Variants in MCHR2 observed in about 807,000 individuals in gnomAD.
The protein encoded by MCHR2 is melanin concentrating hormone receptor 2, also known as melanin-concentrating hormone receptor 2.
MCHR2 carries 15 observed loss-of-function variants against 24.8 expected under a neutral mutation model. The observed-to-expected ratio is 0.60, with a 90% confidence interval of 0.40 to 0.93. MCHR2 has a LOEUF of 0.93. Ranked by LOEUF, MCHR2 falls within the 40% of genes least tolerant of loss-of-function variation. MCHR2 has a pLI of 0.00. For synonymous variants in MCHR2, 151 were observed against 147.6 expected (o/e 1.02, Z -0.17); for missense variants, 386 against 408.7 (o/e 0.94, Z 0.48).
intron 5 of MCHR2, among the ~76,000 whole-genome samples, chr6:99,929,124 C>G (rs1490757182): frequency 1.3e-5 from 2 of 152,126 alleles, no homozygotes; most frequent in African/African-American, 4.8e-5. Context: ...GCAGGTTGTT[C>G]AGTTTCCATG....
chr6:99,926,710 G>A (rs79472654), intron 5 of MCHR2, among the ~76,000 whole-genome samples: 25,365 of 152,006 alleles, frequency 0.17, 2,275 homozygotes, highest in African/African-American at 0.19. Context: ...AAATCTGTTT[G>A]AGTTCATTGT....
intron 1 of MCHR2, among the ~76,000 whole-genome samples, chr6:99,991,593 G>A (rs1254389806): frequency 6.6e-6 from 1 of 152,076 alleles, no homozygotes; most frequent in African/African-American, 2.4e-5. Flanking sequence ...GGATCAGGAG[G>A]TCAGGAGATC....
rs191306029 is a variant in MCHR2 at position 99,943,701 on chromosome 6, A to G, written c.393-558T>C. Among the ~76,000 whole-genome samples, 10 of 152,274 alleles carry G rather than the reference A, an allele frequency of 6.6e-5. No individual in the cohort carries two copies. In the East Asian group the frequency reaches 1.9e-3, roughly 29 times the overall value. ...TAAGATCTGCCTGGTATCTGTAGAGAAAACAATTCTTGACCCTGCAAGTCT... is the reference window on the plus strand; with the variant it reads ...TAAGATCTGCCTGGTATCTGTAGAGGAAACAATTCTTGACCCTGCAAGTCT... On this transcript the variant is annotated intron_variant, in intron 3 of 5. Transcript: ENST00000281806.
chr6:99,927,678 G>A (rs9389850), intron 5 of MCHR2, among the ~76,000 whole-genome samples: 151,234 of 151,962 alleles, frequency 1, 75,257 homozygotes, highest in Middle Eastern at 1. Flanking sequence ...ATTTTTGTAC[G>A]TTGATTTTGT....
At chr6:99,990,005 G>GTTTTCCC (rs1775839710) in intron 1 of MCHR2, among the ~76,000 whole-genome samples, 1 of 151,706 alleles carries the variant, frequency 6.6e-6, no homozygotes, top group Non-Finnish European at 1.5e-5. Context: ...ACATTTCTAA[G>GTTTTCCC]ATTAAAAGGC....
At chr6:99,933,835 G>A (rs1474960805) in intron 5 of MCHR2, among the ~76,000 whole-genome samples, 1 of 151,944 alleles carries the variant, frequency 6.6e-6, no homozygotes, top group Non-Finnish European at 1.5e-5. Context: ...CAATCTCAAG[G>A]TGAAAATAAT....
chr6:99,932,292 A>G (rs1774563260), intron 5 of MCHR2, among the ~76,000 whole-genome samples: 1 of 152,218 alleles, frequency 6.6e-6, no homozygotes, highest in Non-Finnish European at 1.5e-5. Flanking sequence ...ATCAGTCTAT[A>G]GTAATATAAA....
At chr6:99,989,096 A>G (rs1048133709) in intron 1 of MCHR2, among the ~76,000 whole-genome samples, 3 of 152,226 alleles carry the variant, frequency 2.0e-5, no homozygotes, top group Non-Finnish European at 2.9e-5. Context: ...AGCACTTCCA[A>G]TGGCTGAAAG....
intron 5 of MCHR2, among the ~76,000 whole-genome samples, chr6:99,933,535 C>G (rs1231853414): frequency 3.3e-5 from 5 of 151,922 alleles, no homozygotes; most frequent in Non-Finnish European, 5.9e-5. Context: ...TTCCAAGAAA[C>G]TAAGTGGGAA....
intron 1 of MCHR2, among the ~76,000 whole-genome samples, chr6:99,969,281 C>T (rs570556673): frequency 6.6e-6 from 1 of 151,910 alleles, no homozygotes; most frequent in African/African-American, 2.4e-5. Context: ...CAAGACCAGC[C>T]TGGCCAACAT....
At chr6:99,932,090 T>C (rs1774556982) in intron 5 of MCHR2, among the ~76,000 whole-genome samples, 1 of 152,174 alleles carries the variant, frequency 6.6e-6, no homozygotes, top group African/African-American at 2.4e-5. Flanking sequence ...TCTGGGAAAG[T>C]CTTTATTTCT....
At chr6:99,965,673 GTTT>G (rs1047080273) in intron 1 of MCHR2, among the ~76,000 whole-genome samples, 2 of 152,030 alleles carry the variant, frequency 1.3e-5, no homozygotes, top group Non-Finnish European at 2.9e-5. Context: ...TATGACACTT[GTTT>G]TTTAAGCACT....
intron 3 of MCHR2, among the ~76,000 whole-genome samples, chr6:99,943,891 T>C (rs1218699546): frequency 6.6e-6 from 1 of 152,162 alleles, no homozygotes; most frequent in Non-Finnish European, 1.5e-5. Context: ...ATAACCCTTT[T>C]CCCAGCAAGA....
At chr6:99,930,754 A>T (rs566179547) in intron 5 of MCHR2, among the ~76,000 whole-genome samples, 2 of 152,122 alleles carry the variant, frequency 1.3e-5, no homozygotes, top group Non-Finnish European at 2.9e-5. Context: ...ATTTTTTTTC[A>T]AAGTTTTTAA....
At chr6:99,992,341 G>T (rs1379968764) in intron 1 of MCHR2, among the ~76,000 whole-genome samples, 3 of 152,216 alleles carry the variant, frequency 2.0e-5, no homozygotes, top group Non-Finnish European at 4.4e-5. Flanking sequence ...GGAATTTGGG[G>T]TCTGGTAGGA....
At chr6:99,969,473 C>CAAAAAAA (rs1214316677) in intron 1 of MCHR2, among the ~76,000 whole-genome samples, 16 of 76,608 alleles carry the variant, frequency 2.1e-4, no homozygotes, top group South Asian at 6.5e-4. Context: ...GACTCCATCT[C>CAAAAAAA]AAAAAAAAAA....
At chr6:99,940,561 G>A (rs1774751444) in intron 4 of MCHR2, among the ~76,000 whole-genome samples, 1 of 152,168 alleles carries the variant, frequency 6.6e-6, no homozygotes, top group Admixed American at 6.5e-5. Context: ...CTCACATATT[G>A]CTGTCTCATT....
intron 1 of MCHR2, among the ~76,000 whole-genome samples, chr6:99,981,671 A>C (rs1336288566): frequency 6.6e-6 from 1 of 152,236 alleles, no homozygotes; most frequent in Non-Finnish European, 1.5e-5. Flanking sequence ...GGCAACTAGG[A>C]AATGAGTGTT....
At chr6:99,990,674 A>G (rs911385643) in intron 1 of MCHR2, among the ~76,000 whole-genome samples, 3 of 152,132 alleles carry the variant, frequency 2.0e-5, no homozygotes, top group Non-Finnish European at 4.4e-5. Flanking sequence ...ATTTTACACA[A>G]TCAATCTAAC....
Sources: allele counts gnomAD v4.1 joint callset (sites outside exome capture counted in the v4.1 genomes callset), GRCh38; gene constraint gnomAD v4.1.1; transcripts MANE v1.5; gene names NCBI Gene and HGNC (gene_info 2026-07-23, HGNC 2026-07-21).